DRC4: variants seen among roughly 807,000 people sequenced by gnomAD.
DRC4 encodes the protein GAS-11.
At chr16:90,042,322 T>G in the DRC4 span, 1 of 700,642 alleles carries the variant, frequency 1.4e-6, no homozygotes, top group African/African-American at 1.8e-5. Flanking sequence ...GACCTTTTTC[T>G]GCTGACAACC....
the DRC4 span, chr16:90,037,615 G>A: frequency 1.0e-6 from 1 of 968,670 alleles, no homozygotes; most frequent in Non-Finnish European, 1.6e-6. Context: ...CTACCGGCCG[G>A]CCTTGGTGAG....
the DRC4 span, among the ~76,000 whole-genome samples, chr16:90,035,109 G>A: frequency 1.3e-5 from 2 of 151,800 alleles, no homozygotes; most frequent in African/African-American, 4.8e-5. Context: ...CTCCATGTTG[G>A]TCAGGCTGGT....
At chr16:90,023,847 C>T in the DRC4 span, among the ~76,000 whole-genome samples, 1 of 150,198 alleles carries the variant, frequency 6.7e-6, no homozygotes, top group African/African-American at 2.4e-5. Flanking sequence ...CAAAAATTAG[C>T]TGGGTGTGGT....
chr16:90,044,932 T>G, the DRC4 span: 1 of 198,522 alleles, frequency 5.0e-6, no homozygotes, highest in Admixed American at 5.6e-5. Context: ...TATATTTGTT[T>G]AAAAACTTAT....
the DRC4 span, among the ~76,000 whole-genome samples, chr16:90,026,461 A>G: frequency 6.6e-6 from 1 of 152,128 alleles, no homozygotes; most frequent in Non-Finnish European, 1.5e-5. Context: ...TCTCTTTGAA[A>G]GAAAGGAAAC....
At chr16:90,023,030 C>G in the DRC4 span, among the ~76,000 whole-genome samples, 2 of 152,148 alleles carry the variant, frequency 1.3e-5, no homozygotes, top group South Asian at 4.1e-4. Flanking sequence ...GAACATGCGT[C>G]AAGGGGACTC....
At chr16:90,037,923 G>A in the DRC4 span, 1 of 1,338,538 alleles carries the variant, frequency 7.5e-7, no homozygotes, top group South Asian at 1.2e-5. Context: ...ACCAAGGTGA[G>A]CGGGCACTAG....
At chr16:90,022,733 G>A in the DRC4 span, 1 of 1,415,486 alleles carries the variant, frequency 7.1e-7, no homozygotes, top group Non-Finnish European at 9.3e-7. Flanking sequence ...TGGTGAGCAG[G>A]GGCGGGAGCG....
the DRC4 span, among the ~76,000 whole-genome samples, chr16:90,030,479 T>C: frequency 6.6e-6 from 1 of 151,620 alleles, no homozygotes; most frequent in African/African-American, 2.4e-5. Context: ...TAGCTGGGAC[T>C]ATAGGCATGT....
chr16:90,039,595 C>T, the DRC4 span, among the ~76,000 whole-genome samples: 1 of 152,016 alleles, frequency 6.6e-6, no homozygotes, highest in African/African-American at 2.4e-5. Context: ...CTCTGTTGGC[C>T]AGGCTGGTCT....
At chr16:90,035,419 C>T in the DRC4 span, among the ~76,000 whole-genome samples, 8,103 of 152,076 alleles carry the variant, frequency 0.053, 311 homozygotes, top group East Asian at 0.16. Flanking sequence ...TGCTGCTCTT[C>T]AGGCTGTGGG....
At chr16:90,033,542 G>A in the DRC4 span, among the ~76,000 whole-genome samples, 2 of 152,178 alleles carry the variant, frequency 1.3e-5, no homozygotes, top group Non-Finnish European at 2.9e-5. Flanking sequence ...GGCACATGCC[G>A]ATAGTTTCAG....
chr16:90,026,390 G>A, the DRC4 span, among the ~76,000 whole-genome samples: 2 of 152,168 alleles, frequency 1.3e-5, no homozygotes, highest in Non-Finnish European at 2.9e-5. Context: ...CCATTTACAG[G>A]GCTCTCGTGG....
chr16:90,038,758 C>T, the DRC4 span, among the ~76,000 whole-genome samples: 5 of 152,270 alleles, frequency 3.3e-5, no homozygotes, highest in African/African-American at 1.2e-4. Flanking sequence ...GTGGGCACTT[C>T]CAAGATTCGC....
chr16:90,039,815 C>G, the DRC4 span: 1 of 188,948 alleles, frequency 5.3e-6, no homozygotes, highest in African/African-American at 2.3e-5. Flanking sequence ...GCTCCAAGGC[C>G]GTGCTCCAGA....
the DRC4 span, among the ~76,000 whole-genome samples, chr16:90,038,398 G>A: frequency 6.6e-6 from 1 of 152,216 alleles, no homozygotes; most frequent in Non-Finnish European, 1.5e-5. Context: ...CACATAGGAA[G>A]CGGTCTCATC....
At chr16:90,029,474 G>A in the DRC4 span, 1 of 496,222 alleles carries the variant, frequency 2.0e-6, no homozygotes, top group Non-Finnish European at 3.4e-6. Flanking sequence ...TCAACACCAT[G>A]TGAGCCAAAC....
At chr16:90,032,876 C>G in the DRC4 span, 1 of 1,613,852 alleles carries the variant, frequency 6.2e-7, no homozygotes, top group Non-Finnish European at 8.5e-7. Flanking sequence ...AGGTGGAGCT[C>G]AAGGAGCAGG....
chr16:90,030,275 A>AT, the DRC4 span, among the ~76,000 whole-genome samples: 1 of 151,734 alleles, frequency 6.6e-6, no homozygotes, highest in Non-Finnish European at 1.5e-5. Flanking sequence ...TCATTTGCAT[A>AT]TTTTTTTTGG....
Sources: allele counts gnomAD v4.1 joint callset (sites outside exome capture counted in the v4.1 genomes callset), GRCh38; gene constraint gnomAD v4.1.1; transcripts MANE v1.5; gene names NCBI Gene and HGNC (gene_info 2026-07-23, HGNC 2026-07-21).